The following TET2 variants were observed in gnomAD, a reference collection of about 807,000 sequenced individuals.
The protein encoded by TET2 is methylcytosine dioxygenase TET2.
TET2 carries 299 observed loss-of-function variants against 142.9 expected under a neutral mutation model. That is an observed-to-expected ratio of 2.09 (90% CI 1.90 to 2.30). The LOEUF (loss-of-function observed/expected upper bound fraction) is 2.30, where lower values mean the gene tolerates loss of function less well. Among genes scored for constraint, TET2 ranks in the 30% most tolerant of loss-of-function variants. The pLI, the probability that TET2 is intolerant of heterozygous loss-of-function variation, is 0.00. For missense variants in TET2, 2,418 were observed against 2,378.0 expected (o/e 1.02, Z -0.35); for synonymous variants, 819 against 849.0 (o/e 0.96, Z 0.61).
chr4:105,225,606 C>G (rs1728143838), intron 2 of TET2, among the ~76,000 whole-genome samples: 1 of 152,124 alleles, frequency 6.6e-6, no homozygotes, highest in South Asian at 2.1e-4. Context: ...GACAAGAGCT[C>G]TAGTCTTCCC....
rs774920451 is a variant in TET2, at chr4:105,235,364, G to A, written c.1422G>A (p.Pro474=). The A allele has an allele frequency of 1.7e-5, 28 of 1,614,014 alleles. No individual in the cohort carries two copies. Among genetic ancestry groups the A allele is most frequent in the East Asian group, 1.6e-4 (7 of 44,888 alleles). Residue 474 remains proline (P), a synonymous_variant, in exon 3 of 11, where the codon CCG becomes CCA. Coordinates refer to ENST00000380013, the MANE Select transcript of TET2 (RefSeq NM_001127208.3). ...NPSTHVCSPS[P]MLSERPQNNC... ...CTACACATGTATGCAGCCCTTCTCC[G>A]ATGCTTTCTGAAAGGCCTCAGAATA...
chr4:105,209,730 A>G (rs914356728), intron 2 of TET2, among the ~76,000 whole-genome samples: 3 of 152,200 alleles, frequency 2.0e-5, no homozygotes, highest in Non-Finnish European at 4.4e-5. Context: ...GTAGGTAGCC[A>G]TGAAAGAATT....
At chr4:105,252,645 A>G (rs938847686) in intron 6 of TET2, among the ~76,000 whole-genome samples, 3 of 152,162 alleles carry the variant, frequency 2.0e-5, no homozygotes, top group Non-Finnish European at 4.4e-5. Flanking sequence ...GAAAGTTTTA[A>G]TTTTAATGAA....
At chr4:105,158,590 A>T (rs1420092907) in intron 1 of TET2, among the ~76,000 whole-genome samples, 1 of 152,170 alleles carries the variant, frequency 6.6e-6, no homozygotes, top group East Asian at 1.9e-4. Context: ...CTTAGTGTAT[A>T]TCTCTGGTTT....
At chr4:105,200,625 A>G (rs917579018) in intron 2 of TET2, among the ~76,000 whole-genome samples, 2 of 146,564 alleles carry the variant, frequency 1.4e-5, no homozygotes, top group Non-Finnish European at 3.0e-5. Context: ...CCCAGGTCAC[A>G]CTGTTTTTTT....
chr4:105,257,634 C>A (rs1228546634), intron 6 of TET2, among the ~76,000 whole-genome samples: 1 of 152,098 alleles, frequency 6.6e-6, no homozygotes, highest in African/African-American at 2.4e-5. Flanking sequence ...GAGTTTAGGG[C>A]TTTCTGAGGT....
chr4:105,225,992 A>T (rs1578654735), intron 2 of TET2, among the ~76,000 whole-genome samples: 2 of 152,192 alleles, frequency 1.3e-5, no homozygotes. Context: ...CAAACCACAT[A>T]AAGAAATGAT....
intron 2 of TET2, among the ~76,000 whole-genome samples, chr4:105,209,511 A>C (rs12511847): frequency 0.061 from 9,352 of 152,096 alleles, 369 homozygotes; most frequent in Non-Finnish European, 0.09. Context: ...TCAGTGGCTG[A>C]TGTAATGTGC....
chr4:105,221,002 G>C (rs533451214), intron 2 of TET2, among the ~76,000 whole-genome samples: 2 of 152,100 alleles, frequency 1.3e-5, no homozygotes, highest in Non-Finnish European at 2.9e-5. Context: ...CCTAGACAGT[G>C]TTCCAGTAAG....
chr4:105,276,138 A>G lies in TET2; in HGVS notation c.5628A>G (p.Ala1876=), dbSNP rs1198665972. 1 of 1,551,652 alleles carries G rather than the reference A, an allele frequency of 6.4e-7. No homozygotes were observed. Among genetic ancestry groups the G allele is most frequent in the Non-Finnish European group, 8.7e-7 (1 of 1,146,986 alleles). The change falls in exon 11 of 11, where the codon GCA becomes GCG. Residue 1876 remains alanine, a synonymous_variant. Transcript: ENST00000380013. ...ATGGGTCAATTCTCATTGAGTGTGC[A>G]AAGCGTGAGCTGCATGCCACAACCC... The part of the protein sequence containing the change: ...PTHGSILIEC[A]KRELHATTPL...
At chr4:105,258,693 G>A (rs763929664) in intron 6 of TET2, among the ~76,000 whole-genome samples, 2 of 151,730 alleles carry the variant, frequency 1.3e-5, no homozygotes, top group Non-Finnish European at 2.9e-5. Flanking sequence ...TGAAATTCTT[G>A]GTTTTTGATA....
At chr4:105,165,660 CACTT>C in intron 1 of TET2, among the ~76,000 whole-genome samples, 1 of 152,314 alleles carries the variant, frequency 6.6e-6, no homozygotes, top group Non-Finnish European at 1.5e-5. Flanking sequence ...CCCTCAATAA[CACTT>C]ACTGATGATT....
chr4:105,218,272 T>A (rs1407203537), intron 2 of TET2, among the ~76,000 whole-genome samples: 1 of 151,918 alleles, frequency 6.6e-6, no homozygotes, highest in Non-Finnish European at 1.5e-5. Flanking sequence ...TATTGGCCAA[T>A]CCAGTGTTTC....
At chr4:105,249,152 AAGT>A (rs1435115597) in intron 6 of TET2, among the ~76,000 whole-genome samples, 1 of 151,774 alleles carries the variant, frequency 6.6e-6, no homozygotes, top group African/African-American at 2.4e-5. Flanking sequence ...CTCAGCCCCC[AAGT>A]AGTTGGGATT....
At chr4:105,268,217 T>G (rs1052259464) in intron 8 of TET2, among the ~76,000 whole-genome samples, 1 of 152,094 alleles carries the variant, frequency 6.6e-6, no homozygotes, top group East Asian at 1.9e-4. Flanking sequence ...AATATATGAA[T>G]TTAGCAAAGT....
At chr4:105,162,792 C>G (rs1468331388) in intron 1 of TET2, among the ~76,000 whole-genome samples, 1 of 152,098 alleles carries the variant, frequency 6.6e-6, no homozygotes, top group African/African-American at 2.4e-5. Flanking sequence ...AGAAATACTT[C>G]CCAAAATCAC....
At chr4:105,214,606 C>A (rs1727378504) in intron 2 of TET2, among the ~76,000 whole-genome samples, 1 of 150,566 alleles carries the variant, frequency 6.6e-6, no homozygotes, top group African/African-American at 2.4e-5. Context: ...TTCTAATCTT[C>A]CCCACCCTTC....
chr4:105,204,234 T>TACACACAC lies in TET2; in HGVS notation c.-47+13757_-47+13764dup, dbSNP rs763239434. 5.4e-3 allele frequency among the ~76,000 whole-genome samples: 681 copies of TACACACAC among 125,934 alleles called. 7 individuals are homozygous for TACACACAC. Among genetic ancestry groups the TACACACAC allele is most frequent in the Non-Finnish European group, 7.9e-3 (478 of 60,678 alleles). The allele number at this position is 125,934 out of a possible 152,430, so 82.6% of individuals were successfully genotyped here. On this transcript the variant is annotated intron_variant, in intron 2 of 10. Coordinates refer to ENST00000380013, the MANE Select transcript of TET2 (RefSeq NM_001127208.3). ...ACAAACCAAAAAAAAAAAAAATATATACACACACACACACACACACACACA... is the reference window on the plus strand; with the variant it reads ...ACAAACCAAAAAAAAAAAAAATATATACACACACACACACACACACACACACACACACA...
chr4:105,275,059 CT>C lies in TET2; in HGVS notation c.4552del (p.Ser1518GlnfsTer53). The stretch of plus-strand genomic sequence containing the variant: ...TACCCTGTCCACAGAACTTTTGCGA[CT>C]TTCAGGACCAGTCATGCAGCAGTCC... The part of the protein sequence containing the change: ...QAKQLAELLR[L>X]SGPVMQQSQQ... On this transcript the variant is annotated frameshift_variant, in exon 11 of 11. Transcript: ENST00000380013. LOFTEE classifies it low-confidence loss of function (END_TRUNC). 1 of 1,528,766 alleles carries C rather than the reference CT, an allele frequency of 6.5e-7. No individual in the cohort carries two copies. Among genetic ancestry groups the C allele is most frequent in the Non-Finnish European group, 8.8e-7 (1 of 1,137,586 alleles). The allele number at this position is 1,528,766 out of a possible 1,614,324, so 94.7% of individuals were successfully genotyped here.
Sources: gnomAD v4.1 joint callset for allele counts (sites outside exome capture counted in the v4.1 genomes callset) on GRCh38, gnomAD v4.1.1 for gene constraint, MANE v1.5 for transcripts, NCBI Gene and HGNC (gene_info 2026-07-23, HGNC 2026-07-21) for gene names.